Variants in TBC1D4 observed in about 807,000 individuals in gnomAD.
TBC1D4 encodes TBC1 domain family member 4.
Under a neutral mutation model 142.5 loss-of-function variants are expected in TBC1D4, and 121 were observed. The ratio of observed to expected loss-of-function variants is 0.85; its 90% CI spans 0.73 to 0.99. The LOEUF (loss-of-function observed/expected upper bound fraction) is 0.99. TBC1D4 is among the 50% of genes least tolerant of loss of function. The pLI is 0.00. For synonymous variants in TBC1D4, 630 were observed against 628.2 expected (o/e 1.00, Z -0.04); for missense variants, 1,475 against 1,606.6 (o/e 0.92, Z 1.40).
intron 1 of TBC1D4, among the ~76,000 whole-genome samples, chr13:75,392,421 C>A (rs2138308534): frequency 6.6e-6 from 1 of 152,250 alleles, no homozygotes; most frequent in Middle Eastern, 3.4e-3. Flanking sequence ...ACCCTCACAG[C>A]AGACAATCCA....
chr13:75,471,163 A>G (rs557217680), intron 1 of TBC1D4, among the ~76,000 whole-genome samples: 1 of 151,914 alleles, frequency 6.6e-6, no homozygotes, highest in Non-Finnish European at 1.5e-5. Context: ...TTAAATATAT[A>G]TATATATATC....
chr13:75,432,934 T>A (rs1886650409), intron 1 of TBC1D4, among the ~76,000 whole-genome samples: 3 of 140,928 alleles, frequency 2.1e-5, no homozygotes, highest in Non-Finnish European at 3.1e-5. Flanking sequence ...AGACCGAGAC[T>A]GACTCAAAAA....
In TBC1D4 at chr13:75,466,282, G is replaced by T. The variant is rs558914798; in HGVS notation, c.498+14988C>A. On this transcript the variant is annotated intron_variant, in intron 1 of 20. Coordinates refer to ENST00000377636, the MANE Select transcript of TBC1D4 (RefSeq NM_014832.5). ...GAAGTTAGTTACTTCTTTTAAGACC[G>T]ATTACAGTGAACATGTTCAAAACAG... 1.1e-4 allele frequency among the ~76,000 whole-genome samples: 16 copies of T among 152,252 alleles called. No individual in the cohort carries two copies. In the East Asian group the frequency reaches 2.9e-3, roughly 28 times the overall value.
In TBC1D4 at chr13:75,292,390, G is replaced by A. The variant is rs557685277; in HGVS notation, c.3317-119C>T. On this transcript the variant is annotated intron_variant, in intron 18 of 20. Coordinates refer to ENST00000377636, the MANE Select transcript of TBC1D4 (RefSeq NM_014832.5). ...TTATGTATTTTGCAGAAGAAAACTG[G>A]TCAAAAGCATCTAGCTTTTTTTTAA... The A allele has an allele frequency of 1.0e-5, 8 of 795,198 alleles. No homozygotes were observed. The Admixed American group carries it at 1.1e-4, about 11-fold the overall frequency. The allele number at this position is 795,198 out of a possible 1,614,324, so 49.3% of individuals were successfully genotyped here. A position where few individuals can be genotyped will look rare whatever the true frequency, so the allele number is the denominator to read the frequency against.
At position 75,481,817 on chromosome 13, in the gene TBC1D4, C is replaced by A. The variant is rs778235193; in HGVS notation, c.-50G>T. On this transcript the variant is annotated 5_prime_UTR_variant, in exon 1 of 21. Transcript: ENST00000377636. Reference sequence around the variant, plus strand: ...CGGAGGCCGGCCGGGCGCACCGCGCCCCCCACTCCCGCGCAGAAGGCGCCG... The same window carrying A: ...CGGAGGCCGGCCGGGCGCACCGCGCACCCCACTCCCGCGCAGAAGGCGCCG... The A allele has an allele frequency of 1.4e-6, 2 of 1,439,494 alleles. 1 individual carries two copies. The highest frequency in any genetic ancestry group is 6.2e-5 in the Admixed American group (2 of 32,094). The allele number at this position is 1,439,494 out of a possible 1,614,324, so 89.2% of individuals were successfully genotyped here.
intron 15 of TBC1D4, among the ~76,000 whole-genome samples, chr13:75,303,450 A>G (rs1876801018): frequency 6.6e-6 from 1 of 152,210 alleles, no homozygotes; most frequent in Non-Finnish European, 1.5e-5. Flanking sequence ...CTTGAACACC[A>G]AAATGTATCA....
In TBC1D4 at chr13:75,420,811, A is replaced by C. The variant is rs150676882; in HGVS notation, c.499-58204T>G. Among the ~76,000 whole-genome samples the C allele has an allele frequency of 5.7e-4, 87 of 152,200 alleles. 1 individual carries two copies. The East Asian group carries it at 0.014, about 24-fold the overall frequency. The stretch of plus-strand genomic sequence containing the variant: ...AGAACAAGCAGTCCAAGAAAATATT[A>C]AAGCAGGAAATCATTCAGGGGGAAA... On this transcript the variant is annotated intron_variant, in intron 1 of 20. Transcript: ENST00000377636.
intron 1 of TBC1D4, among the ~76,000 whole-genome samples, chr13:75,456,979 C>T (rs1211686061): frequency 1.3e-5 from 2 of 151,910 alleles, no homozygotes; most frequent in Admixed American, 6.6e-5. Flanking sequence ...TATGCAACAC[C>T]AGGAATATAC....
At chr13:75,422,565 C>T (rs1204959034) in intron 1 of TBC1D4, among the ~76,000 whole-genome samples, 5 of 152,132 alleles carry the variant, frequency 3.3e-5, no homozygotes, top group Admixed American at 2.0e-4. Context: ...AAAATCCTTT[C>T]GAACTTCAAT....
intron 1 of TBC1D4, among the ~76,000 whole-genome samples, chr13:75,478,193 T>C (rs9573559): frequency 0.3 from 46,147 of 152,004 alleles, 7,648 homozygotes; most frequent in African/African-American, 0.42. Context: ...TTTATATTAG[T>C]AACCACAATC....
intron 1 of TBC1D4, among the ~76,000 whole-genome samples, chr13:75,433,744 G>A (rs1456739253): frequency 6.6e-6 from 1 of 152,054 alleles, no homozygotes; most frequent in African/African-American, 2.4e-5. Flanking sequence ...CTATGAATGC[G>A]AAAAAATATT....
At chr13:75,468,984 A>G (rs1457653635) in intron 1 of TBC1D4, among the ~76,000 whole-genome samples, 2 of 152,228 alleles carry the variant, frequency 1.3e-5, no homozygotes, top group African/African-American at 4.8e-5. Flanking sequence ...GTCAAAAGAA[A>G]AACAAATGGC....
At chr13:75,410,209 A>T (rs574655649) in intron 1 of TBC1D4, among the ~76,000 whole-genome samples, 1 of 152,306 alleles carries the variant, frequency 6.6e-6, no homozygotes, top group East Asian at 1.9e-4. Context: ...CCTCTTTAAA[A>T]GCTTTCCTAT....
At chr13:75,424,907 C>A (rs1000079652) in intron 1 of TBC1D4, among the ~76,000 whole-genome samples, 2 of 152,094 alleles carry the variant, frequency 1.3e-5, no homozygotes, top group South Asian at 2.1e-4. Flanking sequence ...AATTGTAAAA[C>A]TACCAGAAGC....
intron 1 of TBC1D4, among the ~76,000 whole-genome samples, chr13:75,389,086 A>G (rs528614560): frequency 6.6e-6 from 1 of 152,356 alleles, no homozygotes; most frequent in Admixed American, 6.5e-5. Flanking sequence ...TGCTCACTAA[A>G]ATAGTAGCTA....
At chr13:75,423,854 G>A (rs1886263760) in intron 1 of TBC1D4, among the ~76,000 whole-genome samples, 1 of 152,094 alleles carries the variant, frequency 6.6e-6, no homozygotes, top group Admixed American at 6.5e-5. Context: ...TTGTTTAATG[G>A]GTACAGAGTT....
intron 15 of TBC1D4, among the ~76,000 whole-genome samples, chr13:75,305,201 G>A (rs1877051095): frequency 6.6e-6 from 1 of 152,288 alleles, no homozygotes; most frequent in Non-Finnish European, 1.5e-5. Context: ...CGCCATGATT[G>A]TGAGGCCTCC....
At position 75,341,142 on chromosome 13, in the gene TBC1D4, TGTGCAC is replaced by T; in HGVS notation, c.1588_1593del (p.Val530_His531del). Reference sequence around the variant, plus strand: ...CTTCTCACAGAAGGGCCTTCCCCGATGTGCACGTGTGTCTTCTGCTTGGCTTCACAC... The same window carrying T: ...CTTCTCACAGAAGGGCCTTCCCCGATGTGTGTCTTCTGCTTGGCTTCACAC... On this transcript the variant is annotated inframe_deletion, in exon 7 of 21. Transcript: ENST00000377636. 2 of 1,613,346 alleles carry T rather than the reference TGTGCAC, an allele frequency of 1.2e-6. No individual in the cohort carries two copies. The highest frequency in any genetic ancestry group is 2.2e-5 in the South Asian group (2 of 91,000).
intron 1 of TBC1D4, among the ~76,000 whole-genome samples, chr13:75,477,407 A>G (rs574089062): frequency 6.6e-6 from 1 of 152,326 alleles, no homozygotes; most frequent in Admixed American, 6.5e-5. Context: ...ACAATTTGTA[A>G]AGTCTCTTTA....
Sources: gnomAD v4.1 joint callset for allele counts (sites outside exome capture counted in the v4.1 genomes callset) on GRCh38, gnomAD v4.1.1 for gene constraint, MANE v1.5 for transcripts, NCBI Gene and HGNC (gene_info 2026-07-23, HGNC 2026-07-21) for gene names.